The following CNEP1R1 variants were observed in gnomAD, a reference collection of about 807,000 sequenced individuals.
The protein encoded by CNEP1R1 is CTD nuclear envelope phosphatase 1 regulatory subunit 1.
Under a neutral mutation model 22.7 loss-of-function variants are expected in CNEP1R1, and 10 were observed. That is an observed-to-expected ratio of 0.44 (90% CI 0.27 to 0.75). The LOEUF is 0.75. CNEP1R1 is among the 30% of genes least tolerant of loss of function. The probability of loss-of-function intolerance (pLI) is 0.17; values close to 1 mark genes in which losing one functional copy is unlikely to be tolerated. For missense variants in CNEP1R1, 73 were observed against 151.5 expected (o/e 0.48, Z 2.72); for synonymous variants, 53 against 50.1 (o/e 1.06, Z -0.25).
At chr16:50,032,999 C>CT (rs2036244328) in intron 3 of CNEP1R1, among the ~76,000 whole-genome samples, 2 of 149,316 alleles carry the variant, frequency 1.3e-5, no homozygotes, top group Non-Finnish European at 3.0e-5. Flanking sequence ...GAGTGAAACT[C>CT]TGTCTCAAAA....
At chr16:50,034,498 T>C (rs577033956) in intron 5 of CNEP1R1, 6 of 314,750 alleles carry the variant, frequency 1.9e-5, no homozygotes, top group South Asian at 1.9e-4. Context: ...ATTGGTTTTA[T>C]AAACTACTGT....
intron 3 of CNEP1R1, among the ~76,000 whole-genome samples, chr16:50,030,869 C>T (rs2036225743): frequency 6.6e-6 from 1 of 152,218 alleles, no homozygotes. Flanking sequence ...TGAGGGATCT[C>T]CCACTGGGCA....
intron 5 of CNEP1R1, 152 bp downstream of exon 5, chr16:50,034,308 C>T (rs1163376299): frequency 1.5e-5 from 9 of 590,294 alleles, no homozygotes; most frequent in East Asian, 1.5e-4. Context: ...GGTACTTTTA[C>T]ATTTAACATC....
chr16:50,030,295 A>G (rs1351303969), intron 3 of CNEP1R1, among the ~76,000 whole-genome samples: 2 of 152,250 alleles, frequency 1.3e-5, no homozygotes, highest in East Asian at 3.9e-4. Flanking sequence ...TTTAAAAATC[A>G]GCCAAGTGTA....
chr16:50,034,681 T>A, intron 5 of CNEP1R1: 1 of 156,570 alleles, frequency 6.4e-6, no homozygotes, highest in Non-Finnish European at 1.4e-5. Context: ...CAGGAGGATC[T>A]CTTGAGTCCA....
chr16:50,028,773 A>T (rs1434785240), intron 2 of CNEP1R1, among the ~76,000 whole-genome samples: 1 of 152,136 alleles, frequency 6.6e-6, no homozygotes, highest in Non-Finnish European at 1.5e-5. Context: ...AATATAGTGC[A>T]TTTCTGGAAA....
rs1295881449 is a variant in CNEP1R1 at position 50,036,943 on chromosome 16, T to C, written c.*1485T>C. The C allele has an allele frequency of 6.6e-6, 1 of 152,646 alleles. No individual in the cohort carries two copies. The highest frequency in any genetic ancestry group is 1.9e-4 in the East Asian group (1 of 5,202). 9.5% of individuals were successfully genotyped at this position (152,646 alleles called of 1,614,324 possible). Reference sequence around the variant, plus strand: ...ATCTTAGCTTTCACTTGTATAAAATTTGATTCTTTGAACTGCAGCAATAAA... The same window carrying C: ...ATCTTAGCTTTCACTTGTATAAAATCTGATTCTTTGAACTGCAGCAATAAA... On this transcript the variant is annotated 3_prime_UTR_variant, in exon 6 of 6. Coordinates refer to ENST00000427478, the MANE Select transcript of CNEP1R1 (RefSeq NM_001281789.2).
chr16:50,030,532 A>G (rs899028716), intron 3 of CNEP1R1, among the ~76,000 whole-genome samples: 5 of 152,222 alleles, frequency 3.3e-5, no homozygotes, highest in Admixed American at 1.3e-4. Context: ...ACTGGAGATG[A>G]CTTTACAGGA....
In CNEP1R1 at chr16:50,027,495, G is replaced by A. The variant is rs377101651; in HGVS notation, c.97+1028G>A. ...TGCACTCCAACCTGGGCGACAGAGC[G>A]AGACTCTGTCTCAAAAAAAAAAAAA... On this transcript the variant is annotated intron_variant, in intron 2 of 5. Coordinates refer to ENST00000427478, the MANE Select transcript of CNEP1R1 (RefSeq NM_001281789.2). Among the ~76,000 whole-genome samples, 5 of 135,812 alleles carry A rather than the reference G, an allele frequency of 3.7e-5. No homozygotes were observed. The East Asian group carries it at 6.4e-4, about 17-fold the overall frequency. 89.1% of individuals were successfully genotyped at this position (135,812 alleles called of 152,430 possible). A position where few individuals can be genotyped will look rare whatever the true frequency, so the allele number is the denominator to read the frequency against.
At chr16:50,029,534 T>C (rs1474240833) in intron 2 of CNEP1R1, among the ~76,000 whole-genome samples, 191 bp from the exon 3 acceptor site, 4 of 152,260 alleles carry the variant, frequency 2.6e-5, no homozygotes, top group African/African-American at 4.8e-5. Context: ...CCTTAATTAC[T>C]AAGGTTCACA....
chr16:50,035,286 A>G (rs1567412373), intron 5 of CNEP1R1, 131 bp from the exon 6 acceptor site: 2 of 578,572 alleles, frequency 3.5e-6, no homozygotes, highest in Non-Finnish European at 6.2e-6. Context: ...AAGCATAACT[A>G]TTAATTGTTT....
intron 2 of CNEP1R1, among the ~76,000 whole-genome samples, chr16:50,029,251 C>A (rs1421760420): frequency 6.6e-6 from 1 of 152,182 alleles, no homozygotes; most frequent in African/African-American, 2.4e-5. Flanking sequence ...TCCATACTTC[C>A]TGCACTGACT....
Position 50,033,504 on chromosome 16 carries a change from A to G in CNEP1R1, c.279A>G (p.Ser93=), listed in dbSNP as rs141333885. The change falls in exon 4 of 6, where the codon TCA becomes TCG. Residue 93 remains serine (S), a splice_region_variant and synonymous_variant. Transcript: ENST00000427478. ...TACACAAGAGAGTAGTTGCACCATC[A>G]ATGTATCCTTTACCAAGGATTAAAT... ...AGIHKRVVAP[S]IIAARCRTVL... is the part of the protein sequence containing the mutation. The G allele has an allele frequency of 6.8e-7, 1 of 1,464,410 alleles. No individual in the cohort carries two copies. The highest frequency in any genetic ancestry group is 1.7e-5 in the Admixed American group (1 of 58,702). 90.7% of individuals were successfully genotyped at this position (1,464,410 alleles called of 1,614,324 possible).
Position 50,035,309 on chromosome 16 carries a change from A to G in CNEP1R1, c.337-108A>G, listed in dbSNP as rs2036266089. ...CTATTAATTGTTTAATCTTGACTAT[A>G]GAGAAGCGTTCTTATTCCTTGCACA... is the stretch of plus-strand genomic sequence containing the variant. On this transcript the variant is annotated intron_variant, in intron 5 of 5. Coordinates refer to ENST00000427478, the MANE Select transcript of CNEP1R1 (RefSeq NM_001281789.2). 4 of 656,220 alleles carry G rather than the reference A, an allele frequency of 6.1e-6. No individual in the cohort carries two copies. The East Asian group carries it at 1.1e-4, about 18-fold the overall frequency. The allele number at this position is 656,220 out of a possible 1,614,324, so 40.6% of individuals were successfully genotyped here.
intron 2 of CNEP1R1, 144 bp from the exon 3 acceptor site, chr16:50,029,581 C>A: frequency 2.1e-6 from 1 of 486,106 alleles, no homozygotes; most frequent in Non-Finnish European, 3.7e-6. Context: ...GATGGCAAGC[C>A]TTCTAATTCC....
intron 3 of CNEP1R1, 43 bp downstream of exon 3, chr16:50,029,841 T>A: frequency 8.8e-7 from 1 of 1,137,392 alleles, no homozygotes; most frequent in Non-Finnish European, 1.3e-6. Context: ...TTAAATGAGA[T>A]AATGGATATT....
chr16:50,025,275 T>G lies in CNEP1R1; in HGVS notation c.-41T>G. ...CGGGCGGGGGCCGCGGAAGCTGCGA[T>G]GCGGACAGGGCAGCGGCGGTGACCC... On this transcript the variant is annotated 5_prime_UTR_variant, in exon 1 of 6. The change abolishes an upstream ATG in the 5' untranslated region. Coordinates refer to ENST00000427478, the MANE Select transcript of CNEP1R1 (RefSeq NM_001281789.2). The G allele has an allele frequency of 2.2e-6, 3 of 1,391,582 alleles. No homozygotes were observed. Among genetic ancestry groups the G allele is most frequent in the Non-Finnish European group, 2.8e-6 (3 of 1,078,044 alleles). 86.2% of individuals were successfully genotyped at this position (1,391,582 alleles called of 1,614,324 possible).
intron 3 of CNEP1R1, among the ~76,000 whole-genome samples, chr16:50,032,350 T>C (rs540534021): frequency 6.6e-6 from 1 of 152,352 alleles, no homozygotes; most frequent in East Asian, 1.9e-4. Context: ...CTACATATTC[T>C]TAGACTTGTG....
Position 50,025,241 on chromosome 16 carries a change from G to T in CNEP1R1, c.-75G>T, listed in dbSNP as rs1413670308. 2.9e-6 allele frequency: 4 copies of T among 1,360,094 alleles called. No individual in the cohort carries two copies. Among genetic ancestry groups the T allele is most frequent in the Non-Finnish European group, 2.8e-6 (3 of 1,054,046 alleles). 84.3% of individuals were successfully genotyped at this position (1,360,094 alleles called of 1,614,324 possible). ...GGAGCGGTTAGAGGTGGGAGTTGGC[G>T]CTGCGGGCCGGGCGGGGGCCGCGGA... On this transcript the variant is annotated 5_prime_UTR_variant, in exon 1 of 6. Coordinates refer to ENST00000427478, the MANE Select transcript of CNEP1R1 (RefSeq NM_001281789.2).
Sources: allele counts gnomAD v4.1 joint callset (sites outside exome capture counted in the v4.1 genomes callset), GRCh38; gene constraint gnomAD v4.1.1; transcripts MANE v1.5; gene names NCBI Gene and HGNC (gene_info 2026-07-23, HGNC 2026-07-21).